Variants in ILDR1 observed in about 807,000 individuals in gnomAD.
ILDR1 encodes immunoglobulin like domain containing receptor 1.
Under a neutral mutation model 62.4 loss-of-function variants are expected in ILDR1, and 56 were observed. The ratio of observed to expected loss-of-function variants is 0.90; its 90% CI spans 0.72 to 1.12. The LOEUF is 1.12. ILDR1 is among the 50% of genes most tolerant of loss of function. ILDR1 has a pLI of 0.00. For missense variants in ILDR1, 736 were observed against 710.6 expected, an observed-to-expected ratio of 1.04 and a Z score of -0.41; for synonymous variants, 284 against 277.8, an observed-to-expected ratio of 1.02 and a Z score of -0.22.
At chr3:121,994,488 G>A (rs2071409137) in intron 5 of ILDR1, among the ~76,000 whole-genome samples, 175 bp from the exon 6 acceptor site, 1 of 152,194 alleles carries the variant, frequency 6.6e-6, no homozygotes, top group African/African-American at 2.4e-5. Flanking sequence ...CCCCTGGCGA[G>A]GAGCTGGAAT....
the ILDR1 span, among the ~76,000 whole-genome samples, chr3:122,058,512 C>T: frequency 2.2e-4 from 33 of 152,190 alleles, no homozygotes; most frequent in African/African-American, 6.3e-4. Flanking sequence ...ATGGGCTTCA[C>T]GGGAGGTTAA....
At chr3:122,004,757 G>A (rs2071578904) in intron 3 of ILDR1, among the ~76,000 whole-genome samples, 1 of 152,160 alleles carries the variant, frequency 6.6e-6, no homozygotes, top group African/African-American at 2.4e-5. Context: ...TTCTCACTTG[G>A]GGCTTTTTAG....
chr3:121,990,428 C>T (rs1021643565), intron 7 of ILDR1, among the ~76,000 whole-genome samples: 3 of 152,182 alleles, frequency 2.0e-5, no homozygotes, highest in African/African-American at 7.2e-5. Context: ...ACAATGGAGG[C>T]TTTTACAATT....
chr3:122,058,834 A>G, the ILDR1 span, among the ~76,000 whole-genome samples: 1 of 152,164 alleles, frequency 6.6e-6, no homozygotes, highest in South Asian at 2.1e-4. Flanking sequence ...TATTGGAGTA[A>G]GCCAAGGAGA....
chr3:122,030,239 C>A, the ILDR1 span, among the ~76,000 whole-genome samples: 8 of 152,020 alleles, frequency 5.3e-5, no homozygotes, highest in Non-Finnish European at 7.4e-5. Context: ...ATTCCTAGGA[C>A]TAGAGCCGCA....
At chr3:122,014,349 TTTAAA>T (rs1290135171) in intron 1 of ILDR1, among the ~76,000 whole-genome samples, 1 of 152,242 alleles carries the variant, frequency 6.6e-6, no homozygotes, top group Non-Finnish European at 1.5e-5. Context: ...TGTTGTTTTT[TTTAAA>T]TTAATCATAT....
the ILDR1 span, among the ~76,000 whole-genome samples, chr3:122,054,441 T>C: frequency 6.6e-6 from 1 of 152,244 alleles, no homozygotes; most frequent in Non-Finnish European, 1.5e-5. Flanking sequence ...ATATTTCTAT[T>C]GACTTGACAC....
upstream of ILDR1, among the ~76,000 whole-genome samples, chr3:122,022,525 TCCATTC>T (rs2071877307): frequency 6.6e-6 from 1 of 152,216 alleles, no homozygotes. Flanking sequence ...GCGTTATATT[TCCATTC>T]CCTTATAAAT....
At chr3:122,038,721 T>C in the ILDR1 span, among the ~76,000 whole-genome samples, 3 of 152,162 alleles carry the variant, frequency 2.0e-5, no homozygotes, top group South Asian at 6.2e-4. Flanking sequence ...ATAATTAATA[T>C]ATCAAATGAC....
chr3:121,993,065 G>T, intron 7 of ILDR1, 85 bp downstream of exon 7: 1 of 1,128,192 alleles, frequency 8.9e-7, no homozygotes, highest in Non-Finnish European at 1.3e-6. Flanking sequence ...TGGAATGAGA[G>T]GCAGCCTGTG....
chr3:122,055,623 T>G, the ILDR1 span: 2 of 908,342 alleles, frequency 2.2e-6, no homozygotes, highest in South Asian at 3.0e-5. Flanking sequence ...GGAGAAGCTT[T>G]CTTTTTCTAC....
the ILDR1 span, among the ~76,000 whole-genome samples, chr3:122,056,279 C>T: frequency 3.3e-5 from 5 of 152,168 alleles, no homozygotes; most frequent in Non-Finnish European, 4.4e-5. Flanking sequence ...GAAGGAGTCA[C>T]ACCCGCCCTT....
chr3:122,047,839 G>A, the ILDR1 span, among the ~76,000 whole-genome samples: 2 of 152,242 alleles, frequency 1.3e-5, no homozygotes, highest in Non-Finnish European at 2.9e-5. Flanking sequence ...GATAAACCCG[G>A]TACCTCGGAT....
the ILDR1 span, among the ~76,000 whole-genome samples, chr3:122,042,109 T>C: frequency 2.0e-5 from 2 of 102,330 alleles, no homozygotes; most frequent in African/African-American, 3.8e-5. Context: ...ATATTCCCCT[T>C]CCTGTGTCCA....
chr3:122,008,554 C>G (rs1179088234), intron 1 of ILDR1, among the ~76,000 whole-genome samples: 1 of 151,120 alleles, frequency 6.6e-6, no homozygotes, highest in African/African-American at 2.4e-5. Context: ...CCCAGAGACA[C>G]GCATTTTTTA....
chr3:121,993,796 G>A lies in ILDR1; in HGVS notation c.953C>T (p.Ser318Phe). ...TTCCACGACCTCAGAGCCCAGGGAG[G>A]ACAGCATGCTGCAGGGATGGCCAAA... The part of the protein sequence containing the change: ...GRFGHPCSML[S>F]SLGSEVVERR... Residue 318 changes from serine to phenylalanine, a missense_variant, in exon 7 of 8, where the codon TCC (serine) becomes TTC (phenylalanine). By Grantham distance (155) the Ser-to-Phe change is radical. Transcript: ENST00000344209. 1.2e-6 allele frequency: 2 copies of A among 1,614,136 alleles called. No individual in the cohort carries two copies. The highest frequency in any genetic ancestry group is 1.1e-5 in the South Asian group (1 of 91,082).
chr3:122,002,408 C>T (rs1034772879), intron 3 of ILDR1, among the ~76,000 whole-genome samples: 3 of 152,166 alleles, frequency 2.0e-5, no homozygotes, highest in Admixed American at 1.3e-4. Context: ...GGAAAAACTC[C>T]ACATTCTGGG....
chr3:122,022,270 T>TC (rs142262320), upstream of ILDR1: 5,802 of 475,074 alleles, frequency 0.012, 295 homozygotes, highest in African/African-American at 0.11. Context: ...CCTGCGGCGC[T>TC]CCCCACGGCT....
At chr3:122,028,947 T>C in the ILDR1 span, among the ~76,000 whole-genome samples, 1 of 152,204 alleles carries the variant, frequency 6.6e-6, no homozygotes, top group African/African-American at 2.4e-5. Flanking sequence ...TGCAAGGATG[T>C]TCATTGCAAA....
Sources: gnomAD v4.1 joint callset for allele counts (sites outside exome capture counted in the v4.1 genomes callset) on GRCh38, gnomAD v4.1.1 for gene constraint, MANE v1.5 for transcripts, NCBI Gene and HGNC (gene_info 2026-07-23, HGNC 2026-07-21) for gene names.